Variants in CDH23 observed in about 807,000 individuals in gnomAD.
The protein encoded by CDH23 is cadherin-23.
Under a neutral mutation model 317.1 loss-of-function variants are expected in CDH23, and 189 were observed. The observed-to-expected ratio is 0.60, with a 90% CI of 0.53 to 0.67. The LOEUF (loss-of-function observed/expected upper bound fraction) is 0.67, where lower values mean the gene tolerates loss of function less well. Among genes scored for constraint, CDH23 ranks in the 30% least tolerant of loss-of-function variants. The pLI, the probability that CDH23 is intolerant of heterozygous loss-of-function variation, is 0.00. For synonymous variants in CDH23, 1,839 were observed against 1,876.8 expected, an observed-to-expected ratio of 0.98 and a Z score of 0.52; for missense variants, 4,401 against 4,592.4, an observed-to-expected ratio of 0.96 and a Z score of 1.20.
intron 22 of CDH23, among the ~76,000 whole-genome samples, chr10:71,697,445 G>T (rs546492662): frequency 4.2e-4 from 64 of 152,320 alleles, no homozygotes; most frequent in African/African-American, 1.5e-3. Flanking sequence ...AAGGCAGGCA[G>T]ATCGCTTGAG....
chr10:71,705,211 C>T, intron 25 of CDH23, 81 bp downstream of exon 25: 1 of 1,315,746 alleles, frequency 7.6e-7, no homozygotes, highest in Non-Finnish European at 1.0e-6. Context: ...GAGGGGAGCC[C>T]ATGTCCCCCA....
chr10:71,647,616 T>C (rs1161952242), intron 14 of CDH23: 1 of 152,232 alleles, frequency 6.6e-6, no homozygotes, highest in Non-Finnish European at 1.5e-5. Flanking sequence ...TTATCACCCC[T>C]AGTGGGAAAA....
chr10:71,690,432 G>A (rs1865142889), intron 19 of CDH23, 36 bp from the exon 20 acceptor site: 1 of 1,495,164 alleles, frequency 6.7e-7, no homozygotes, highest in South Asian at 1.2e-5. Context: ...CCCAGGGTGA[G>A]CAGCACCCCC....
At chr10:71,688,017 A>G (rs1864978314) in intron 19 of CDH23, among the ~76,000 whole-genome samples, 1 of 152,338 alleles carries the variant, frequency 6.6e-6, no homozygotes, top group East Asian at 1.9e-4. Context: ...TTAATTAAGC[A>G]ATCTTGATTA....
At chr10:71,712,558 C>T (rs1047221124) in intron 27 of CDH23, 107 bp from the exon 28 acceptor site, 47 of 1,306,706 alleles carry the variant, frequency 3.6e-5, no homozygotes, top group African/African-American at 5.8e-5. Flanking sequence ...GCAGATGGGG[C>T]GGAACAGGGC....
intron 49 of CDH23, 48 bp downstream of exon 49, chr10:71,797,268 G>C: frequency 7.6e-7 from 1 of 1,313,854 alleles, no homozygotes; most frequent in Non-Finnish European, 1.1e-6. Flanking sequence ...GAGCCAATCA[G>C]GGCAGGGGGC....
Position 71,690,470 on chromosome 10 carries a change from G to A in CDH23, c.2062G>A (p.Ala688Thr). ...VSVVENIMAG[A>T]TVLFLNATDL... is the part of the protein sequence containing the mutation. ...CCCCCACCTTTTTCCCCCTGAAGGA[G>A]CCACGGTGCTGTTCCTGAATGCCAC... The change falls in exon 20 of 70, where the codon GCC becomes ACC. Residue 688 changes from alanine to threonine, a missense_variant and splice_region_variant. By Grantham distance (58) the Ala-to-Thr change is moderately conservative. Around this residue, in one of 3 missense-constraint regions of CDH23, gnomAD observed 3,068 missense variants for 3,203.3 expected, o/e 0.96. Transcript: ENST00000224721. 2.5e-6 allele frequency: 4 copies of A among 1,597,952 alleles called. No homozygotes were observed. The highest frequency in any genetic ancestry group is 3.4e-6 in the Non-Finnish European group (4 of 1,171,958).
At chr10:71,547,599 T>G (rs1190444233) in intron 6 of CDH23, among the ~76,000 whole-genome samples, 1 of 151,972 alleles carries the variant, frequency 6.6e-6, no homozygotes, top group African/African-American at 2.4e-5. Flanking sequence ...GAGTCCACAT[T>G]GCAGGGCCAG....
rs1406009570 is a variant in CDH23, at chr10:71,798,605, G to A, written c.7054+27G>A. ...TAGGTTAGAAATCTGTCAGAGGAGGGCTGGGGGACATATATCTCTGCTTGC... is the reference window on the plus strand; with the variant it reads ...TAGGTTAGAAATCTGTCAGAGGAGGACTGGGGGACATATATCTCTGCTTGC... On this transcript the variant is annotated intron_variant, in intron 50 of 69. Transcript: ENST00000224721. The A allele has an allele frequency of 2.6e-6, 4 of 1,546,890 alleles. No homozygotes were observed. In the East Asian group the frequency reaches 9.3e-5, roughly 36 times the overall value.
In CDH23 at chr10:71,486,432, A is replaced by G. The variant is rs191704603; in HGVS notation, c.146-23650A>G. 4.1e-3 allele frequency among the ~76,000 whole-genome samples: 623 copies of G among 152,162 alleles called. 2 individuals carry two copies. Among genetic ancestry groups the G allele is most frequent in the South Asian group, 0.015 (72 of 4,814 alleles). On this transcript the variant is annotated intron_variant, in intron 3 of 69. Coordinates refer to ENST00000224721, the MANE Select transcript of CDH23 (RefSeq NM_022124.6). ...GGGAGCAGCCTGGTGCTTTTGTAGC[A>G]CAGGCCAGCCTAGAGTGGGGGCAGG... is the stretch of plus-strand genomic sequence containing the variant.
chr10:71,428,009 G>A (rs534839083), intron 1 of CDH23, among the ~76,000 whole-genome samples: 1 of 152,022 alleles, frequency 6.6e-6, no homozygotes, highest in South Asian at 2.1e-4. Flanking sequence ...CACTGTGCCC[G>A]GCCCTATTGT....
intron 6 of CDH23, among the ~76,000 whole-genome samples, chr10:71,558,146 C>T (rs922388238): frequency 2.0e-5 from 3 of 152,060 alleles, no homozygotes; most frequent in Admixed American, 1.3e-4. Context: ...TATGGGCACC[C>T]ACTACCATGC....
intron 3 of CDH23, chr10:71,508,202 T>A (rs954161806): frequency 6.6e-6 from 1 of 152,210 alleles, no homozygotes; most frequent in Non-Finnish European, 1.5e-5. Flanking sequence ...GGACCTTGTG[T>A]CTGGCATATC....
chr10:71,813,497 A>G, intron 69 of CDH23, 149 bp downstream of exon 69: 1 of 711,642 alleles, frequency 1.4e-6, no homozygotes, highest in Non-Finnish European at 2.4e-6. Flanking sequence ...GAAGTCAGAC[A>G]GCAGGATCTG....
intron 6 of CDH23, among the ~76,000 whole-genome samples, chr10:71,553,596 G>A (rs1006447431): frequency 6.6e-5 from 10 of 152,242 alleles, no homozygotes; most frequent in Admixed American, 1.3e-4. Context: ...GGAGGAGTCC[G>A]AGGGGCAGGG....
At chr10:71,672,213 G>A (rs574258024) in intron 14 of CDH23, among the ~76,000 whole-genome samples, 4 of 152,198 alleles carry the variant, frequency 2.6e-5, no homozygotes, top group South Asian at 2.1e-4. Context: ...AGCGGAGGGG[G>A]CAGAGCCAGG....
chr10:71,790,986 T>G (rs1218466266), intron 46 of CDH23, 146 bp from the exon 47 acceptor site: 1 of 676,046 alleles, frequency 1.5e-6, no homozygotes, highest in Non-Finnish European at 2.5e-6. Flanking sequence ...GGGGAGAAAG[T>G]CATTTTGTTA....
At chr10:71,580,578 G>T (rs753525701) in intron 9 of CDH23, among the ~76,000 whole-genome samples, 11 of 152,254 alleles carry the variant, frequency 7.2e-5, no homozygotes, top group South Asian at 2.1e-4. Flanking sequence ...AGGCTCATGA[G>T]TGCAGTATTC....
At position 71,760,000 on chromosome 10, in the gene CDH23, T is replaced by TATACACACAC. The variant is rs1564779572; in HGVS notation, c.4846-17679_4846-17678insTACACACACA. Among the ~76,000 whole-genome samples, 114 of 26,718 alleles carry TATACACACAC rather than the reference T, an allele frequency of 4.3e-3. 3 individuals carry two copies. The highest frequency in any genetic ancestry group is 0.024 in the Middle Eastern group (1 of 42). The allele number at this position is 26,718 out of a possible 152,430, so 17.5% of individuals were successfully genotyped here. A position where few individuals can be genotyped will look rare whatever the true frequency, so the allele number is the denominator to read the frequency against. On this transcript the variant is annotated intron_variant, in intron 38 of 69. Coordinates refer to ENST00000224721, the MANE Select transcript of CDH23 (RefSeq NM_022124.6). ...ACACACATATATATACACACACACA[T>TATACACACAC]ACATATATATACACACACACATATA...
Sources: allele counts gnomAD v4.1 joint callset (sites outside exome capture counted in the v4.1 genomes callset), GRCh38; gene constraint gnomAD v4.1.1; regional missense constraint gnomAD v4.1.1; transcripts MANE v1.5; gene names NCBI Gene and HGNC (gene_info 2026-07-23, HGNC 2026-07-21).